ACYP2: variants seen among roughly 807,000 people sequenced by gnomAD.
The protein encoded by ACYP2 is acylphosphatase 2.
A neutral mutation model predicts 11.2 loss-of-function variants in ACYP2; 12 were observed. The observed-to-expected ratio is 1.08, with a 90% CI of 0.69 to 1.74. ACYP2 has a LOEUF of 1.74. Ranked by LOEUF, ACYP2 falls within the 40% of genes most tolerant of loss-of-function variation. The pLI is 0.00. For missense variants in ACYP2, 134 were observed against 101.9 expected (o/e 1.31, Z -1.35); for synonymous variants, 43 against 32.2 (o/e 1.33, Z -1.13).
chr2:54,176,159 C>A (rs1683450165), intron 6 of ACYP2, among the ~76,000 whole-genome samples: 2 of 152,154 alleles, frequency 1.3e-5, no homozygotes, highest in Non-Finnish European at 2.9e-5. Flanking sequence ...CCCAAACTGA[C>A]TAAGACATCC....
intron 2 of ACYP2, among the ~76,000 whole-genome samples, chr2:54,039,819 T>G (rs1054100702): frequency 3.0e-4 from 38 of 126,686 alleles, no homozygotes; most frequent in East Asian, 3.0e-3. Context: ...TTGTTTTCTT[T>G]TGTGTGTGTG....
At chr2:53,989,144 TA>T (rs1385159113) in intron 2 of ACYP2, among the ~76,000 whole-genome samples, 2 of 152,156 alleles carry the variant, frequency 1.3e-5, no homozygotes, top group Admixed American at 6.6e-5. Flanking sequence ...ATCGTTACTC[TA>T]ACATGCAGTG....
At chr2:54,280,986 C>T (rs1181992192) in intron 6 of ACYP2, among the ~76,000 whole-genome samples, 1 of 152,046 alleles carries the variant, frequency 6.6e-6, no homozygotes, top group African/African-American at 2.4e-5. Context: ...GAAACATCAC[C>T]AAGAAGAGGA....
chr2:54,220,270 C>G (rs1297067022), intron 6 of ACYP2, among the ~76,000 whole-genome samples: 1 of 152,090 alleles, frequency 6.6e-6, no homozygotes, highest in Non-Finnish European at 1.5e-5. Flanking sequence ...TAATACCCAA[C>G]TGTAATCTTT....
At chr2:54,029,266 G>A (rs1674454499) in intron 2 of ACYP2, among the ~76,000 whole-genome samples, 1 of 152,086 alleles carries the variant, frequency 6.6e-6, no homozygotes. Context: ...AACTACAGCG[G>A]TGGAGTACCA....
intron 6 of ACYP2, among the ~76,000 whole-genome samples, chr2:54,282,898 G>C (rs1315165674): frequency 1.3e-5 from 2 of 152,136 alleles, no homozygotes; most frequent in African/African-American, 4.8e-5. Context: ...TCTAAGAGTG[G>C]GGCTGGGAGA....
At chr2:54,213,863 G>A (rs1037651260) in intron 6 of ACYP2, among the ~76,000 whole-genome samples, 1 of 151,990 alleles carries the variant, frequency 6.6e-6, no homozygotes, top group South Asian at 2.1e-4. Context: ...AACCTCCCGG[G>A]CCCAAGCGAT....
chr2:54,013,536 G>T (rs545621431), intron 2 of ACYP2, among the ~76,000 whole-genome samples: 381 of 151,912 alleles, frequency 2.5e-3, no homozygotes, highest in Non-Finnish European at 4.6e-3. Flanking sequence ...CTGACCTCAG[G>T]TGATCCACCC....
intron 6 of ACYP2, among the ~76,000 whole-genome samples, chr2:54,218,539 C>A (rs1685654282): frequency 6.6e-6 from 1 of 152,062 alleles, no homozygotes; most frequent in African/African-American, 2.4e-5. Context: ...AATTTTTATT[C>A]ATAAAAGTCG....
intron 6 of ACYP2, among the ~76,000 whole-genome samples, chr2:54,196,194 A>G (rs1457105871): frequency 2.0e-5 from 3 of 152,046 alleles, no homozygotes; most frequent in Non-Finnish European, 1.5e-5. Context: ...ATACCTTGAT[A>G]TTTAACATAT....
chr2:54,252,035 A>G lies in ACYP2; in HGVS notation c.405-52653A>G, dbSNP rs117007250. 4.0e-3 allele frequency among the ~76,000 whole-genome samples: 612 copies of G among 152,316 alleles called. 12 individuals are homozygous for G. Among genetic ancestry groups the G allele is most frequent in the East Asian group, 0.014 (74 of 5,186 alleles). On this transcript the variant is annotated intron_variant, in intron 6 of 6. Transcript: ENST00000607452. ...TCCTTTGTCTCTGACCTAGCATGTA[A>G]GGCTAACTTGTTAAGCTTGCAAGGA...
intron 6 of ACYP2, among the ~76,000 whole-genome samples, chr2:54,269,717 A>G (rs1688196380): frequency 6.6e-6 from 1 of 152,228 alleles, no homozygotes; most frequent in Admixed American, 6.5e-5. Flanking sequence ...GAAAAATGCA[A>G]TAGATGTTAA....
chr2:53,975,998 C>T (rs1193070593), intron 2 of ACYP2, among the ~76,000 whole-genome samples: 2 of 152,210 alleles, frequency 1.3e-5, no homozygotes, highest in Non-Finnish European at 2.9e-5. Context: ...GTTCCTTCTC[C>T]AGCTGGAGGG....
intron 2 of ACYP2, among the ~76,000 whole-genome samples, chr2:54,002,814 G>T (rs1416945225): frequency 6.6e-6 from 1 of 151,182 alleles, no homozygotes; most frequent in Non-Finnish European, 1.5e-5. Context: ...ACCACACCTG[G>T]CTAATTTAGT....
chr2:54,041,047 C>T (rs564752615), intron 2 of ACYP2, among the ~76,000 whole-genome samples: 7 of 152,084 alleles, frequency 4.6e-5, no homozygotes, highest in African/African-American at 7.2e-5. Flanking sequence ...ACAAGGAAAG[C>T]GGTGGCCTTT....
intron 6 of ACYP2, among the ~76,000 whole-genome samples, chr2:54,174,153 C>T (rs1271599737): frequency 6.6e-6 from 1 of 152,158 alleles, no homozygotes; most frequent in Non-Finnish European, 1.5e-5. Flanking sequence ...ATTGATTCTT[C>T]CTATCCATGA....
chr2:54,300,305 G>C (rs1448210908), intron 6 of ACYP2, among the ~76,000 whole-genome samples: 3 of 152,198 alleles, frequency 2.0e-5, no homozygotes, highest in Non-Finnish European at 2.9e-5. Context: ...CTACCACTCA[G>C]ATTCCCTTTC....
intron 2 of ACYP2, among the ~76,000 whole-genome samples, chr2:54,042,310 C>A (rs999676799): frequency 1.3e-5 from 2 of 152,204 alleles, no homozygotes; most frequent in African/African-American, 4.8e-5. Context: ...CCAGCCCAAA[C>A]TCACTTTATT....
intron 6 of ACYP2, chr2:54,255,679 A>T: frequency 5.0e-6 from 8 of 1,613,906 alleles, no homozygotes; most frequent in Non-Finnish European, 6.8e-6. Context: ...TGGGGCTGAG[A>T]ACATGGCACA....
Sources: gnomAD v4.1 joint callset for allele counts (sites outside exome capture counted in the v4.1 genomes callset) on GRCh38, gnomAD v4.1.1 for gene constraint, MANE v1.5 for transcripts, NCBI Gene and HGNC (gene_info 2026-07-23, HGNC 2026-07-21) for gene names.